Variants in GSG1 observed in about 807,000 individuals in gnomAD.
GSG1 encodes germ cell associated 1, also known as germ cell-specific gene 1 protein.
In GSG1, 28 loss-of-function variants were observed where a neutral mutation model predicts 30.8. The ratio of observed to expected loss-of-function variants is 0.91; its 90% confidence interval spans 0.67 to 1.25. The LOEUF (loss-of-function observed/expected upper bound fraction) is 1.25, where lower values mean the gene tolerates loss of function less well. GSG1 is among the 50% of genes most tolerant of loss of function. GSG1 has a pLI of 0.00. For missense variants in GSG1, 435 were observed against 444.7 expected, an observed-to-expected ratio of 0.98 and a Z score of 0.20; for synonymous variants, 162 against 178.0, an observed-to-expected ratio of 0.91 and a Z score of 0.71.
At chr12:13,085,758 A>T (rs1166229506) in intron 6 of GSG1, among the ~76,000 whole-genome samples, 1 of 152,122 alleles carries the variant, frequency 6.6e-6, no homozygotes, top group Non-Finnish European at 1.5e-5. Flanking sequence ...TGAACTTAGC[A>T]GTCTTAGGGT....
intron 1 of GSG1, among the ~76,000 whole-genome samples, chr12:13,094,745 T>C (rs1866505841): frequency 6.6e-6 from 1 of 152,236 alleles, no homozygotes; most frequent in African/African-American, 2.4e-5. Flanking sequence ...TCAGCATTCA[T>C]TTTTCAACAA....
At chr12:13,099,037 C>T (rs975666716) in intron 1 of GSG1, among the ~76,000 whole-genome samples, 5 of 152,162 alleles carry the variant, frequency 3.3e-5, no homozygotes, top group African/African-American at 1.2e-4. Context: ...TCCACAAAGC[C>T]TGGGTCCACC....
chr12:13,089,970 A>G (rs1356835520), intron 2 of GSG1, among the ~76,000 whole-genome samples: 1 of 152,082 alleles, frequency 6.6e-6, no homozygotes, highest in Non-Finnish European at 1.5e-5. Flanking sequence ...AATCGCTTGA[A>G]CCTGAGAGGC....
At chr12:13,100,880 CTA>C (rs1863146208) in intron 1 of GSG1, among the ~76,000 whole-genome samples, 1 of 152,204 alleles carries the variant, frequency 6.6e-6, no homozygotes, top group Non-Finnish European at 1.5e-5. Context: ...TCAAATGACT[CTA>C]GTCTTCCTAA....
At chr12:13,090,369 C>T in intron 2 of GSG1, 134 bp downstream of exon 2, 1 of 733,484 alleles carries the variant, frequency 1.4e-6, no homozygotes, top group South Asian at 1.9e-5. Flanking sequence ...GGGAGTGAGG[C>T]CCACTGGGGT....
intron 2 of GSG1, among the ~76,000 whole-genome samples, chr12:13,090,097 G>A (rs1181604425): frequency 6.6e-6 from 1 of 152,208 alleles, no homozygotes; most frequent in African/African-American, 2.4e-5. Context: ...CAGTTGAGCA[G>A]AGCTAGGGCT....
At position 13,084,796 on chromosome 12, in the gene GSG1, C is replaced by A; in HGVS notation, c.*105G>T. On this transcript the variant is annotated 3_prime_UTR_variant, in exon 7 of 7. Coordinates refer to ENST00000651961, the MANE Select transcript of GSG1 (RefSeq NM_001080555.4). ...CCTTATTCATAGCCTTATTCGTAGC[C>A]TCTAAAAACCATGCTCAAGAGACGG... The A allele has an allele frequency of 1.4e-6, 1 of 740,314 alleles. No homozygotes were observed. The highest frequency in any genetic ancestry group is 2.9e-5 in the Admixed American group (1 of 35,052). 45.9% of individuals were successfully genotyped at this position (740,314 alleles called of 1,614,324 possible).
rs938265140 is a variant in GSG1 at position 13,084,957 on chromosome 12, C to A, written c.1033G>T (p.Ala345Ser). Residue 345 changes from alanine (A) to serine (S), a missense_variant, in exon 7 of 7, where the codon GCC (alanine) becomes TCC (serine). Ala to Ser is a moderately conservative substitution (Grantham distance 99). Coordinates refer to ENST00000651961, the MANE Select transcript of GSG1 (RefSeq NM_001080555.4). ...ACTGCTTCTTTCAGCTCCTGGCTGG[C>A]CCCTCTTTGAAATCCCTTGTTCCGC... ...ELRNKGFQRGASQELKEAVRS... is the reference protein window; with the variant it reads ...ELRNKGFQRGSSQELKEAVRS... The A allele has an allele frequency of 6.4e-6, 10 of 1,551,860 alleles. No individual in the cohort carries two copies. The highest frequency in any genetic ancestry group is 2.0e-5 in the Admixed American group (1 of 51,000).
At chr12:13,090,243 C>A (rs1392773467) in intron 2 of GSG1, among the ~76,000 whole-genome samples, 1 of 152,118 alleles carries the variant, frequency 6.6e-6, no homozygotes, top group Non-Finnish European at 1.5e-5. Flanking sequence ...TATTTTGAAC[C>A]AACAAGTCTA....
intron 1 of GSG1, among the ~76,000 whole-genome samples, chr12:13,103,030 T>C (rs1351776101): frequency 6.6e-6 from 1 of 152,250 alleles, no homozygotes; most frequent in African/African-American, 2.4e-5. Flanking sequence ...GCATAGAGCT[T>C]GATGTCTGCT....
At chr12:13,088,811 T>G in intron 4 of GSG1, 51 bp downstream of exon 4, 1 of 1,613,610 alleles carries the variant, frequency 6.2e-7, no homozygotes, top group Non-Finnish European at 8.5e-7. Flanking sequence ...AATCGGAGAG[T>G]GGGGTGACAT....
chr12:13,096,261 C>T (rs1866651750), intron 1 of GSG1, among the ~76,000 whole-genome samples: 1 of 151,796 alleles, frequency 6.6e-6, no homozygotes, highest in South Asian at 2.1e-4. Context: ...ATCACAAGGT[C>T]AGGAGATTGA....
At chr12:13,099,610 C>CA (rs1367871212) in intron 1 of GSG1, among the ~76,000 whole-genome samples, 1 of 152,170 alleles carries the variant, frequency 6.6e-6, no homozygotes, top group Non-Finnish European at 1.5e-5. Flanking sequence ...AATGGGAATG[C>CA]AATTTATTGT....
In GSG1 at chr12:13,101,958, C is replaced by T. The variant is rs74063235; in HGVS notation, c.48+1507G>A. ...GGGTAAATGAGGGCAAAGAGTTGTC[C>T]TTCTTAGTTCTGTGAAAATCGAAAA... On this transcript the variant is annotated intron_variant, in intron 1 of 6. Transcript: ENST00000651961. This position sits in a 1 kb window ranked among gnomAD's most constrained non-coding sequence, Gnocchi z 5.8. 8.5e-3 allele frequency among the ~76,000 whole-genome samples: 1,288 copies of T among 152,240 alleles called. 32 individuals carry two copies. The highest frequency in any genetic ancestry group is 0.029 in the African/African-American group (1,219 of 41,532).
At chr12:13,085,541 G>A (rs1290939703) in intron 6 of GSG1, among the ~76,000 whole-genome samples, 3 of 151,856 alleles carry the variant, frequency 2.0e-5, no homozygotes, top group African/African-American at 7.3e-5. Context: ...GTATGTCTGT[G>A]CATATTTGGA....
intron 3 of GSG1, 135 bp downstream of exon 3, chr12:13,089,073 C>T: frequency 7.8e-7 from 1 of 1,283,262 alleles, no homozygotes; most frequent in South Asian, 1.4e-5. Context: ...ATGGCACAGC[C>T]AAGAGTCAGC....
intron 1 of GSG1, among the ~76,000 whole-genome samples, chr12:13,099,740 G>GTTTTTTTTTT (rs1243237814): frequency 1.8e-4 from 17 of 95,794 alleles, no homozygotes; most frequent in East Asian, 3.7e-4. Flanking sequence ...GGGATCCGGT[G>GTTTTTTTTTT]TTTTTTTTTG....
In GSG1 at chr12:13,099,633, C is replaced by G. The variant is rs1863001220; in HGVS notation, c.48+3832G>C. On this transcript the variant is annotated intron_variant, in intron 1 of 6. Coordinates refer to ENST00000651961, the MANE Select transcript of GSG1 (RefSeq NM_001080555.4). Reference sequence around the variant, plus strand: ...TGCAATTTATTGTTTTGTGAGTTCACTGCAGGTTAGAAGTGATTAAATGAC... The same window carrying G: ...TGCAATTTATTGTTTTGTGAGTTCAGTGCAGGTTAGAAGTGATTAAATGAC... Among the ~76,000 whole-genome samples, 3 of 152,046 alleles carry G rather than the reference C, an allele frequency of 2.0e-5. No individual in the cohort carries two copies. In the South Asian group the frequency reaches 6.2e-4, roughly 31 times the overall value.
chr12:13,085,321 C>T (rs1865418195), intron 6 of GSG1, 78 bp from the exon 7 acceptor site: 1 of 1,298,996 alleles, frequency 7.7e-7, no homozygotes, highest in Non-Finnish European at 1.1e-6. Flanking sequence ...CCTCTTCCTA[C>T]TAGTGGACTA....
Sources: allele counts gnomAD v4.1 joint callset (sites outside exome capture counted in the v4.1 genomes callset), GRCh38; gene constraint gnomAD v4.1.1; non-coding constraint Gnocchi (gnomAD v3.1); transcripts MANE v1.5; gene names NCBI Gene and HGNC (gene_info 2026-07-23, HGNC 2026-07-21).